CWC27: variants seen among roughly 807,000 people sequenced by gnomAD.
CWC27 encodes spliceosome-associated protein CWC27 homolog.
In CWC27, 47 loss-of-function variants were observed where a neutral mutation model predicts 63.6. The observed-to-expected ratio is 0.74, with a 90% CI of 0.58 to 0.94. The LOEUF is 0.94. CWC27 is among the 40% of genes least tolerant of loss of function. The pLI, the probability that CWC27 is intolerant of heterozygous loss-of-function variation, is 0.00. For synonymous variants in CWC27, 175 were observed against 179.8 expected (o/e 0.97, Z 0.22); for missense variants, 495 against 554.3 (o/e 0.89, Z 1.07).
At chr5:64,970,182 A>G (rs1749092281) in intron 11 of CWC27, among the ~76,000 whole-genome samples, 1 of 151,528 alleles carries the variant, frequency 6.6e-6, no homozygotes, top group Non-Finnish European at 1.5e-5. Flanking sequence ...GTATTCAAAG[A>G]TGTAATTCAG....
chr5:64,900,980 T>C (rs1424862560), intron 11 of CWC27, among the ~76,000 whole-genome samples: 1 of 151,924 alleles, frequency 6.6e-6, no homozygotes, highest in Non-Finnish European at 1.5e-5. Flanking sequence ...TCTTAAAACA[T>C]TATGAGACTT....
chr5:64,877,658 C>G (rs1425273627), intron 10 of CWC27, among the ~76,000 whole-genome samples: 2 of 151,768 alleles, frequency 1.3e-5, no homozygotes, highest in Non-Finnish European at 2.9e-5. Context: ...AACAAAATAC[C>G]ACATGTAGCC....
chr5:64,820,322 C>T (rs114809350), intron 10 of CWC27, among the ~76,000 whole-genome samples: 4 of 152,280 alleles, frequency 2.6e-5, no homozygotes, highest in Non-Finnish European at 5.9e-5. Flanking sequence ...AGAGCAGTGA[C>T]CTGGCCTTAG....
intron 10 of CWC27, among the ~76,000 whole-genome samples, chr5:64,826,076 AATCTATCTATCTATCT>A (rs148024057): frequency 3.4e-5 from 5 of 148,316 alleles, no homozygotes; most frequent in Admixed American, 6.7e-5. Context: ...CTTTGTAATA[AATCTATCTATCTATCT>A]ATCTATCTAT....
intron 10 of CWC27, among the ~76,000 whole-genome samples, chr5:64,815,081 A>T (rs1289132940): frequency 6.6e-6 from 1 of 151,696 alleles, no homozygotes; most frequent in Admixed American, 6.6e-5. Flanking sequence ...GGATATTCCT[A>T]CTCCTCTCCT....
intron 10 of CWC27, among the ~76,000 whole-genome samples, chr5:64,861,123 T>C (rs1746402398): frequency 6.6e-6 from 1 of 152,164 alleles, no homozygotes; most frequent in Non-Finnish European, 1.5e-5. Context: ...GACCAAATGC[T>C]TAGTTCTCCA....
intron 8 of CWC27, among the ~76,000 whole-genome samples, chr5:64,800,761 T>C (rs1474295484): frequency 6.6e-6 from 1 of 152,150 alleles, no homozygotes; most frequent in East Asian, 1.9e-4. Flanking sequence ...TCACATACTT[T>C]GAGGAGTTAA....
At chr5:65,015,750 G>T (rs1444934548) in intron 13 of CWC27, among the ~76,000 whole-genome samples, 1 of 152,190 alleles carries the variant, frequency 6.6e-6, no homozygotes, top group African/African-American at 2.4e-5. Flanking sequence ...GTAAAGAGGA[G>T]CTGTGCTTTT....
chr5:64,866,481 G>A (rs1746533075), intron 10 of CWC27, among the ~76,000 whole-genome samples: 1 of 151,894 alleles, frequency 6.6e-6, no homozygotes, highest in African/African-American at 2.4e-5. Flanking sequence ...AGTTTTTTAG[G>A]GTAGAAGGTT....
intron 7 of CWC27, among the ~76,000 whole-genome samples, chr5:64,790,430 A>G (rs1413480580): frequency 6.6e-6 from 1 of 152,064 alleles, no homozygotes. Context: ...ATGATTTACT[A>G]TGTGTCATGA....
chr5:64,918,448 G>A (rs1203137539), intron 11 of CWC27, among the ~76,000 whole-genome samples: 1 of 152,210 alleles, frequency 6.6e-6, no homozygotes, highest in East Asian at 1.9e-4. Flanking sequence ...AAAAAAAACT[G>A]TGTCAGGTAT....
intron 13 of CWC27, among the ~76,000 whole-genome samples, chr5:64,985,404 C>T (rs1050068880): frequency 3.3e-5 from 5 of 152,180 alleles, no homozygotes; most frequent in Non-Finnish European, 7.4e-5. Flanking sequence ...AATCCATAAA[C>T]ATGATTATGT....
intron 6 of CWC27, among the ~76,000 whole-genome samples, chr5:64,787,896 A>C (rs1333895348): frequency 1.3e-5 from 2 of 152,154 alleles, no homozygotes; most frequent in Non-Finnish European, 2.9e-5. Flanking sequence ...AGATTAGAAT[A>C]AGTTCAACTC....
intron 11 of CWC27, among the ~76,000 whole-genome samples, chr5:64,961,245 A>T (rs542500259): frequency 6.6e-5 from 10 of 152,314 alleles, no homozygotes; most frequent in African/African-American, 2.4e-4. Context: ...GATAACTCAC[A>T]TGAGACACTA....
At chr5:64,953,694 A>C (rs1026857170) in intron 11 of CWC27, among the ~76,000 whole-genome samples, 7 of 152,004 alleles carry the variant, frequency 4.6e-5, no homozygotes, top group African/African-American at 1.4e-4. Context: ...TTAAGTGTTT[A>C]TTTTTTTTCT....
At chr5:64,940,842 CTTTT>C (rs70983655) in intron 11 of CWC27, among the ~76,000 whole-genome samples, 10 of 64,980 alleles carry the variant, frequency 1.5e-4, no homozygotes, top group South Asian at 7.2e-4. Context: ...TTCTTTCTTT[CTTTT>C]TTTTTTTTTT....
chr5:64,776,116 A>AGAGAGAGAGAGG (rs1743441952), intron 2 of CWC27, among the ~76,000 whole-genome samples: 7 of 99,118 alleles, frequency 7.1e-5, no homozygotes, highest in African/African-American at 2.2e-4. Context: ...AGAGAGAGAG[A>AGAGAGAGAGAGG]GAGAGAATGA....
intron 10 of CWC27, among the ~76,000 whole-genome samples, chr5:64,844,130 A>AT (rs139761745): frequency 2.6e-5 from 4 of 151,922 alleles, no homozygotes; most frequent in Non-Finnish European, 5.9e-5. Flanking sequence ...CCAGATGGAG[A>AT]TTTTTTTCCC....
chr5:65,013,128 A>G (rs1749991127), intron 13 of CWC27, among the ~76,000 whole-genome samples: 1 of 152,238 alleles, frequency 6.6e-6, no homozygotes. Context: ...GGATAAGAAC[A>G]TAAGGCATGT....
Sources: allele counts gnomAD v4.1 joint callset (sites outside exome capture counted in the v4.1 genomes callset), GRCh38; gene constraint gnomAD v4.1.1; transcripts MANE v1.5; gene names NCBI Gene and HGNC (gene_info 2026-07-23, HGNC 2026-07-21).